The following PEAK1 variants were observed in gnomAD, a reference collection of about 807,000 sequenced individuals.
The protein encoded by PEAK1 is pseudopodium enriched atypical kinase 1, also known as inactive tyrosine-protein kinase PEAK1.
In PEAK1, 54 loss-of-function variants were observed where a neutral mutation model predicts 124.7. That is an observed-to-expected ratio of 0.43 (90% confidence interval 0.35 to 0.54). The LOEUF (loss-of-function observed/expected upper bound fraction) is 0.54. PEAK1 is among the 20% of genes least tolerant of loss of function. PEAK1 has a pLI of 0.01. For missense variants in PEAK1, 2,046 were observed against 2,134.5 expected (o/e 0.96, Z 0.82); for synonymous variants, 719 against 760.0 (o/e 0.95, Z 0.89).
chr15:77,278,863 C>A, intron 5 of PEAK1: 1 of 288,610 alleles, frequency 3.5e-6, no homozygotes, highest in South Asian at 2.9e-5. Flanking sequence ...GACAGAGTCT[C>A]ACTCTATCGC....
At chr15:77,394,283 T>C (rs186176605) in intron 1 of PEAK1, among the ~76,000 whole-genome samples, 94 of 152,264 alleles carry the variant, frequency 6.2e-4, no homozygotes, top group Non-Finnish European at 4.0e-4. Flanking sequence ...TGAGCAAACA[T>C]AGGCAATAGG....
At chr15:77,232,239 T>C (rs938087154) in intron 6 of PEAK1, among the ~76,000 whole-genome samples, 1 of 152,182 alleles carries the variant, frequency 6.6e-6, no homozygotes, top group East Asian at 1.9e-4. Flanking sequence ...TCCTTCCCTG[T>C]CTTTACTAGT....
chr15:77,206,923 A>G (rs912851001), intron 6 of PEAK1, among the ~76,000 whole-genome samples: 5 of 152,118 alleles, frequency 3.3e-5, no homozygotes, highest in African/African-American at 9.7e-5. Context: ...AGAGATATAG[A>G]TCAATGGAAC....
At chr15:77,178,753 A>T (rs1026217024) in intron 7 of PEAK1, 37 bp downstream of exon 7, 2 of 1,574,480 alleles carry the variant, frequency 1.3e-6, no homozygotes, top group East Asian at 2.3e-5. Context: ...AAAATGTGTT[A>T]AAAAATTCCC....
chr15:77,409,665 G>A (rs1465563960), intron 1 of PEAK1, among the ~76,000 whole-genome samples: 2 of 152,148 alleles, frequency 1.3e-5, no homozygotes, highest in African/African-American at 4.8e-5. Flanking sequence ...TATACTTTCT[G>A]TCAGTGTTTT....
At chr15:77,255,814 A>G (rs897222802) in intron 5 of PEAK1, among the ~76,000 whole-genome samples, 1 of 152,230 alleles carries the variant, frequency 6.6e-6, no homozygotes, top group Non-Finnish European at 1.5e-5. Flanking sequence ...CCTGCTTCAG[A>G]TAGATATTAG....
At position 77,179,018 on chromosome 15, in the gene PEAK1, C is replaced by T. The variant is rs745782057; in HGVS notation, c.2909G>A (p.Arg970His). Reference protein sequence around the residue: ...IHMLPPPPVQRHHWFTEAKGE... With the variant: ...IHMLPPPPVQHHHWFTEAKGE... ...TTTCGCCTCTGTGAACCAGTGATGG[C>T]GCTGAACTGGAGGAGGAGGCAGCAT... is the stretch of plus-strand genomic sequence containing the variant. The change falls in exon 7 of 10, where the codon CGC (arginine) becomes CAC (histidine). Residue 970 changes from arginine to histidine, a missense_variant. Transcript: ENST00000682557. 22 of 1,614,008 alleles carry T rather than the reference C, an allele frequency of 1.4e-5. 1 individual carries two copies. Among genetic ancestry groups the T allele is most frequent in the East Asian group, 6.7e-5 (3 of 44,888 alleles).
At chr15:77,335,230 G>A (rs541070775) in intron 2 of PEAK1, 3 of 985,386 alleles carry the variant, frequency 3.0e-6, no homozygotes, top group African/African-American at 3.5e-5. Context: ...TCCTTCAGGG[G>A]CTCCTCCTCA....
chr15:77,183,513 G>A (rs1315954218), intron 6 of PEAK1, among the ~76,000 whole-genome samples: 9 of 152,148 alleles, frequency 5.9e-5, no homozygotes, highest in Admixed American at 5.9e-4. Flanking sequence ...ATGAGAGGAA[G>A]TACTAACTTT....
At chr15:77,418,115 C>G (rs2073038474) in intron 1 of PEAK1, 1 of 983,866 alleles carries the variant, frequency 1.0e-6, no homozygotes, top group Non-Finnish European at 1.2e-6. Flanking sequence ...TAATAGGCTA[C>G]AAACATTATT....
chr15:77,417,459 C>CGGGGG (rs745566711), intron 1 of PEAK1: 3 of 378,650 alleles, frequency 7.9e-6, no homozygotes, highest in African/African-American at 6.0e-5. Flanking sequence ...GGATGCGGGG[C>CGGGGG]GGGGGGGGAG....
chr15:77,199,670 A>G (rs1412189213), intron 6 of PEAK1, among the ~76,000 whole-genome samples: 1 of 152,214 alleles, frequency 6.6e-6, no homozygotes, highest in African/African-American at 2.4e-5. Flanking sequence ...AAAATAGTGT[A>G]GGGTGTGTGT....
chr15:77,207,337 C>G (rs1344694499), intron 6 of PEAK1, among the ~76,000 whole-genome samples: 5 of 152,146 alleles, frequency 3.3e-5, no homozygotes, highest in African/African-American at 9.7e-5. Flanking sequence ...ATTGAGATAT[C>G]TGTGGACTGG....
intron 2 of PEAK1, chr15:77,347,457 A>T (rs1161049385): frequency 4.1e-6 from 4 of 985,374 alleles, no homozygotes; most frequent in Non-Finnish European, 2.4e-6. Flanking sequence ...TCTAGATAAG[A>T]TCAACATCTA....
At position 77,418,214 on chromosome 15, in the gene PEAK1, A is replaced by G. The variant is rs1258376798; in HGVS notation, c.-666+1792T>C. The G allele has an allele frequency of 6.1e-6, 6 of 985,310 alleles. No individual in the cohort carries two copies. The African/African-American group carries it at 8.7e-5, about 14-fold the overall frequency. 61.0% of individuals were successfully genotyped at this position (985,310 alleles called of 1,614,324 possible). On this transcript the variant is annotated intron_variant, in intron 1 of 9. Coordinates refer to ENST00000682557, the MANE Select transcript of PEAK1 (RefSeq NM_001385026.1). ...AGTGATCTTATCTTTTTCTTTCACC[A>G]AAACACTTCTCTTCCAACCCTAGAA...
intron 1 of PEAK1, chr15:77,401,603 G>A (rs575658542): frequency 4.7e-5 from 46 of 982,882 alleles, no homozygotes; most frequent in Non-Finnish European, 5.4e-5. Context: ...TCCCAAATCA[G>A]CTACAAACAT....
At chr15:77,274,016 A>G (rs2062175818) in intron 5 of PEAK1, among the ~76,000 whole-genome samples, 1 of 152,192 alleles carries the variant, frequency 6.6e-6, no homozygotes, top group Non-Finnish European at 1.5e-5. Flanking sequence ...CAACAAAAAC[A>G]TAAAGTAGGA....
intron 9 of PEAK1, among the ~76,000 whole-genome samples, chr15:77,117,736 A>C (rs1359588563): frequency 1.3e-5 from 2 of 152,190 alleles, no homozygotes; most frequent in Non-Finnish European, 2.9e-5. Flanking sequence ...TAAAGCTATG[A>C]GAGAGAATTG....
At chr15:77,188,143 G>GA (rs894090974) in intron 6 of PEAK1, among the ~76,000 whole-genome samples, 48 of 149,694 alleles carry the variant, frequency 3.2e-4, no homozygotes, top group African/African-American at 1.1e-3. Context: ...AGATCTGACT[G>GA]AAAAAAAAAA....
Sources: allele counts gnomAD v4.1 joint callset (sites outside exome capture counted in the v4.1 genomes callset), GRCh38; gene constraint gnomAD v4.1.1; transcripts MANE v1.5; gene names NCBI Gene and HGNC (gene_info 2026-07-23, HGNC 2026-07-21).